The following SLC26A7 variants were observed in gnomAD, a reference collection of about 807,000 sequenced individuals.
SLC26A7 encodes the protein solute carrier family 26 member 7, also known as anion exchange transporter.
In SLC26A7, 59 loss-of-function variants were observed where a neutral mutation model predicts 82.5. The observed-to-expected ratio is 0.72, with a 90% CI of 0.58 to 0.89. The LOEUF is 0.89. SLC26A7 is among the 40% of genes least tolerant of loss of function. The probability of loss-of-function intolerance (pLI) is 0.00; values close to 1 mark genes in which losing one functional copy is unlikely to be tolerated. For synonymous variants in SLC26A7, 271 were observed against 274.3 expected, an observed-to-expected ratio of 0.99 and a Z score of 0.12; for missense variants, 820 against 793.0, an observed-to-expected ratio of 1.03 and a Z score of -0.41.
chr8:91,262,707 C>G (rs192773812), intron 2 of SLC26A7, among the ~76,000 whole-genome samples: 44 of 151,870 alleles, frequency 2.9e-4, no homozygotes, highest in African/African-American at 1.1e-3. Flanking sequence ...TTACCACAAT[C>G]TCAGCTTTTT....
At chr8:91,244,861 G>A (rs1163298283), upstream of SLC26A7, among the ~76,000 whole-genome samples, 1 of 151,844 alleles carries the variant, frequency 6.6e-6, no homozygotes, top group African/African-American at 2.4e-5. Context: ...TATTCTTTTG[G>A]CTCCTATTAT....
At chr8:91,331,403 TTC>T (rs757798999) in intron 5 of SLC26A7, among the ~76,000 whole-genome samples, 77 of 152,150 alleles carry the variant, frequency 5.1e-4, no homozygotes, top group Non-Finnish European at 1.0e-3. Context: ...ATTCAACCAG[TTC>T]TCTTTTATTT....
intron 3 of SLC26A7, 139 bp downstream of exon 3, chr8:91,289,385 T>C: frequency 4.4e-6 from 3 of 674,564 alleles, no homozygotes; most frequent in Non-Finnish European, 7.9e-6. Context: ...TTACTCTCCA[T>C]GCATCAGATA....
chr8:91,383,639 T>C (rs1326569936), intron 15 of SLC26A7, among the ~76,000 whole-genome samples: 1 of 152,200 alleles, frequency 6.6e-6, no homozygotes, highest in Non-Finnish European at 1.5e-5. Context: ...AATTTCTCAA[T>C]TTTTAGAGAC....
At chr8:91,247,317 T>C (rs1454599445), upstream of SLC26A7, among the ~76,000 whole-genome samples, 1 of 152,236 alleles carries the variant, frequency 6.6e-6, no homozygotes, top group Non-Finnish European at 1.5e-5. Context: ...AAGCTACTTT[T>C]AGTCATTGAA....
At chr8:91,265,677 C>T (rs1050021306) in intron 2 of SLC26A7, among the ~76,000 whole-genome samples, 5 of 151,948 alleles carry the variant, frequency 3.3e-5, no homozygotes, top group Non-Finnish European at 7.4e-5. Context: ...ACCTGCTGGC[C>T]ATTTGTATGT....
chr8:91,264,282 C>T (rs1811049464), intron 2 of SLC26A7, among the ~76,000 whole-genome samples: 1 of 152,080 alleles, frequency 6.6e-6, no homozygotes, highest in East Asian at 1.9e-4. Flanking sequence ...CTAATTCTAA[C>T]ATTGTCCCCC....
chr8:91,388,350 C>T (rs1200822763), intron 15 of SLC26A7, among the ~76,000 whole-genome samples: 2 of 151,994 alleles, frequency 1.3e-5, no homozygotes, highest in Non-Finnish European at 2.9e-5. Context: ...GGGTTAACGC[C>T]ATCTTCCTGC....
intron 2 of SLC26A7, among the ~76,000 whole-genome samples, chr8:91,281,522 G>T (rs141738286): frequency 1.3e-5 from 2 of 152,140 alleles, no homozygotes; most frequent in Non-Finnish European, 2.9e-5. Context: ...GTATCCCGGG[G>T]TGTCCTAGAA....
intron 4 of SLC26A7, among the ~76,000 whole-genome samples, chr8:91,308,190 T>C (rs1586390566): frequency 6.6e-6 from 1 of 152,052 alleles, no homozygotes; most frequent in East Asian, 1.9e-4. Flanking sequence ...TCAATCGGGA[T>C]ATGTTTGATG....
chr8:91,378,673 G>T (rs113821299), intron 15 of SLC26A7, among the ~76,000 whole-genome samples: 4 of 151,616 alleles, frequency 2.6e-5, no homozygotes, highest in Non-Finnish European at 4.4e-5. Flanking sequence ...AGCTAGGAGA[G>T]CCCCGAGTCT....
intron 5 of SLC26A7, among the ~76,000 whole-genome samples, chr8:91,333,523 A>G (rs1392853936): frequency 6.6e-6 from 1 of 151,866 alleles, no homozygotes; most frequent in African/African-American, 2.4e-5. Flanking sequence ...TTCTTCATTT[A>G]CCCCCTCTAT....
chr8:91,291,812 T>A (rs2130770250), intron 3 of SLC26A7, among the ~76,000 whole-genome samples: 1 of 152,324 alleles, frequency 6.6e-6, no homozygotes, highest in African/African-American at 2.4e-5. Flanking sequence ...AAAATACACA[T>A]AATTTACAGC....
intron 2 of SLC26A7, among the ~76,000 whole-genome samples, chr8:91,235,541 G>A (rs370984607): frequency 9.8e-4 from 149 of 152,318 alleles, no homozygotes; most frequent in South Asian, 6.8e-3. Context: ...GATTTTGGGT[G>A]AAGGGGAGTC....
chr8:91,244,760 A>T (rs767107035), upstream of SLC26A7, among the ~76,000 whole-genome samples: 1 of 152,126 alleles, frequency 6.6e-6, no homozygotes. Context: ...TGCTCAAGTT[A>T]TCCTCCCACC....
chr8:91,320,299 C>T (rs946018162), intron 5 of SLC26A7, among the ~76,000 whole-genome samples: 1 of 152,030 alleles, frequency 6.6e-6, no homozygotes, highest in Non-Finnish European at 1.5e-5. Flanking sequence ...AAAAACTTTA[C>T]GGTGAAACGG....
rs780818658 is a variant in SLC26A7 at position 91,379,496 on chromosome 8, AG to A, written c.1675+9668del. Among the ~76,000 whole-genome samples, 25 of 152,072 alleles carry A rather than the reference AG, an allele frequency of 1.6e-4. 1 individual carries two copies. The highest frequency in any genetic ancestry group is 3.5e-4 in the Non-Finnish European group (24 of 67,926). On this transcript the variant is annotated intron_variant, in intron 15 of 18. Transcript: ENST00000276609. ...CAATATGACAGAGTAGAGAGTTCAG[AG>A]GGGGAAAACCCTCACATGTATTGCA...
intron 16 of SLC26A7, among the ~76,000 whole-genome samples, chr8:91,390,675 C>T (rs543897901): frequency 6.6e-6 from 1 of 151,972 alleles, no homozygotes; most frequent in African/African-American, 2.4e-5. Context: ...TAATTAAAAC[C>T]TTATGGAAAT....
At chr8:91,223,997 A>G (rs530094293) in intron 2 of SLC26A7, among the ~76,000 whole-genome samples, 1 of 151,674 alleles carries the variant, frequency 6.6e-6, no homozygotes, top group Non-Finnish European at 1.5e-5. Context: ...TGCTTTAAGA[A>G]GTTCTTGTGC....
Sources: allele counts gnomAD v4.1 joint callset (sites outside exome capture counted in the v4.1 genomes callset), GRCh38; gene constraint gnomAD v4.1.1; transcripts MANE v1.5; gene names NCBI Gene and HGNC (gene_info 2026-07-23, HGNC 2026-07-21).